The following CPNE5 variants were observed in gnomAD, a reference collection of about 807,000 sequenced individuals.
The protein encoded by CPNE5 is copine-5.
CPNE5 carries 42 observed loss-of-function variants against 81.1 expected under a neutral mutation model. The ratio of observed to expected loss-of-function variants is 0.52; its 90% CI spans 0.40 to 0.67. The LOEUF (loss-of-function observed/expected upper bound fraction) is 0.67. CPNE5 is among the 30% of genes least tolerant of loss of function. The pLI is 0.00. For synonymous variants in CPNE5, 313 were observed against 321.5 expected (o/e 0.97, Z 0.28); for missense variants, 612 against 815.5 (o/e 0.75, Z 3.04).
chr6:36,769,846 C>T (rs570724801), intron 10 of CPNE5, among the ~76,000 whole-genome samples: 3 of 152,060 alleles, frequency 2.0e-5, no homozygotes, highest in Non-Finnish European at 4.4e-5. Context: ...CATCTGTGGC[C>T]GGATGCAAAA....
In CPNE5 at chr6:36,772,011, A is replaced by C. The variant is rs1053844532; in HGVS notation, c.737+2950T>G. Among the ~76,000 whole-genome samples the C allele has an allele frequency of 2.0e-5, 3 of 151,994 alleles. No individual in the cohort carries two copies. The South Asian group carries it at 6.2e-4, about 32-fold the overall frequency. On this transcript the variant is annotated intron_variant, in intron 10 of 20. Coordinates refer to ENST00000244751, the MANE Select transcript of CPNE5 (RefSeq NM_020939.2). ...TGGGAGGTGGGAGCCTGCCCCTCCC[A>C]CCAAATAAATACCCACCTCCTCCAA... is the stretch of plus-strand genomic sequence containing the variant.
chr6:36,782,951 C>T (rs1055348589), intron 8 of CPNE5, among the ~76,000 whole-genome samples: 1 of 151,832 alleles, frequency 6.6e-6, no homozygotes, highest in Non-Finnish European at 1.5e-5. Context: ...TAGTGGGTAA[C>T]TTAACCTCTC....
At chr6:36,825,607 G>A (rs1325991477) in intron 1 of CPNE5, among the ~76,000 whole-genome samples, 1 of 152,236 alleles carries the variant, frequency 6.6e-6, no homozygotes, top group Admixed American at 6.5e-5. Context: ...GAGAGCATCA[G>A]ATGAACGATA....
intron 3 of CPNE5, among the ~76,000 whole-genome samples, chr6:36,819,461 C>G (rs1771848804): frequency 6.6e-6 from 1 of 152,144 alleles, no homozygotes; most frequent in African/African-American, 2.4e-5. Context: ...CCACATGTTT[C>G]ATGAATAAAA....
At chr6:36,743,201 G>A (rs551070815) in intron 20 of CPNE5, 1 of 985,420 alleles carries the variant, frequency 1.0e-6, no homozygotes, top group East Asian at 1.1e-4. Flanking sequence ...TGCTTGCGGA[G>A]GGTGCATTCT....
At position 36,783,412 on chromosome 6, in the gene CPNE5, T is replaced by C. The variant is rs368675742; in HGVS notation, c.529-4455A>G. ...AAAAAAAAAAAAAGGTTCTACCTAG[T>C]ACGTGCTATAGTAGGTAGATATAAT... On this transcript the variant is annotated intron_variant, in intron 8 of 20. Coordinates refer to ENST00000244751, the MANE Select transcript of CPNE5 (RefSeq NM_020939.2). Among the ~76,000 whole-genome samples, 19 of 148,482 alleles carry C rather than the reference T, an allele frequency of 1.3e-4. No individual in the cohort carries two copies. In the South Asian group the frequency reaches 3.6e-3, roughly 28 times the overall value.
At position 36,742,045 on chromosome 6, in the gene CPNE5, G is replaced by T; in HGVS notation, c.*223C>A. ...GGAAGAAGAGAAGGGCTGGGTCCCT[G>T]TGTACCCCTCTTTCACCCGTACCCC... On this transcript the variant is annotated 3_prime_UTR_variant, in exon 21 of 21. Coordinates refer to ENST00000244751, the MANE Select transcript of CPNE5 (RefSeq NM_020939.2). The T allele has an allele frequency of 1.8e-6, 1 of 548,432 alleles. No individual in the cohort carries two copies. The allele number at this position is 548,432 out of a possible 1,614,324, so 34.0% of individuals were successfully genotyped here.
rs190146078 is a variant in CPNE5 at position 36,799,802 on chromosome 6, C to T, written c.287+165G>A. On this transcript the variant is annotated intron_variant, in intron 4 of 20. Transcript: ENST00000244751. ...CTCTTCTTCCCCCTTTCCATCTCTC[C>T]TGGTAAGGGTGCAGGCGACTTCAGC... Among the ~76,000 whole-genome samples the T allele has an allele frequency of 6.6e-5, 10 of 152,304 alleles. No homozygotes were observed. In the East Asian group the frequency reaches 1.9e-3, roughly 29 times the overall value.
chr6:36,747,669 C>G (rs1764328641), intron 15 of CPNE5, among the ~76,000 whole-genome samples: 1 of 152,170 alleles, frequency 6.6e-6, no homozygotes. Flanking sequence ...GAGCCCAGAG[C>G]CCAAGGGAGG....
At chr6:36,767,566 T>C (rs183142493) in intron 10 of CPNE5, among the ~76,000 whole-genome samples, 1 of 152,102 alleles carries the variant, frequency 6.6e-6, no homozygotes, top group Admixed American at 6.5e-5. Flanking sequence ...ACCGCTAAGC[T>C]CTGCAGGGGA....
chr6:36,765,340 G>A lies in CPNE5; in HGVS notation c.774C>T (p.Asp258=), dbSNP rs773090820. 28 of 1,613,882 alleles carry A rather than the reference G, an allele frequency of 1.7e-5. No homozygotes were observed. The highest frequency in any genetic ancestry group is 8.3e-5 in the Admixed American group (5 of 59,994). ...CTGCCCTCCTGCCTGCTTACCTGCC[G>A]TCCCGATCCCAGTCGTACACCTCCA... ...IKVEVYDWDR[D]GSHDFIGEFT... The change falls in exon 11 of 21, where the codon GAC becomes GAT. Residue 258 remains aspartate, a synonymous_variant. Transcript: ENST00000244751.
chr6:36,747,259 C>CT (rs371071843), intron 15 of CPNE5, among the ~76,000 whole-genome samples: 1 of 150,600 alleles, frequency 6.6e-6, no homozygotes, highest in African/African-American at 2.5e-5. Context: ...ATTTCCCCCC[C>CT]CAGAGCCCTC....
chr6:36,760,422 G>T (rs943108455), intron 12 of CPNE5, among the ~76,000 whole-genome samples: 2 of 152,102 alleles, frequency 1.3e-5, no homozygotes, highest in African/African-American at 4.8e-5. Context: ...TTTAAGCAGG[G>T]GAGCGATGTG....
chr6:36,768,749 C>G (rs1766801565), intron 10 of CPNE5, among the ~76,000 whole-genome samples: 1 of 152,196 alleles, frequency 6.6e-6, no homozygotes, highest in East Asian at 1.9e-4. Context: ...AAATGAACAC[C>G]TTATCTGGCA....
At chr6:36,824,254 GGACT>G (rs1246708755) in intron 1 of CPNE5, among the ~76,000 whole-genome samples, 1 of 152,204 alleles carries the variant, frequency 6.6e-6, no homozygotes, top group Non-Finnish European at 1.5e-5. Context: ...AGGGGCTGGA[GGACT>G]GACTGCTCAG....
At chr6:36,788,795 G>C in intron 8 of CPNE5, among the ~76,000 whole-genome samples, 1 of 150,872 alleles carries the variant, frequency 6.6e-6, no homozygotes, top group South Asian at 2.1e-4. Context: ...TCTGATTGTG[G>C]GAACTTCTTT....
intron 14 of CPNE5, among the ~76,000 whole-genome samples, chr6:36,751,162 GT>G (rs1034702754): frequency 6.6e-6 from 1 of 152,238 alleles, no homozygotes; most frequent in Admixed American, 6.5e-5. Flanking sequence ...TCTCCAGAGA[GT>G]TTAAAGAGAG....
intron 1 of CPNE5, among the ~76,000 whole-genome samples, chr6:36,824,365 C>T (rs1371587309): frequency 1.3e-5 from 2 of 152,214 alleles, no homozygotes; most frequent in African/African-American, 4.8e-5. Context: ...TACCCATGAA[C>T]ACATCCCACG....
In CPNE5 at chr6:36,741,574, C is replaced by G. The variant is rs981652288; in HGVS notation, c.*694G>C. On this transcript the variant is annotated 3_prime_UTR_variant, in exon 21 of 21. Transcript: ENST00000244751. The stretch of plus-strand genomic sequence containing the variant: ...CATGGAAGTACCTGTGGGCCCACAC[C>G]AGGGAGAGGCCTCCACAGGCCATCT... The G allele has an allele frequency of 3.9e-5, 6 of 152,226 alleles. No homozygotes were observed. The highest frequency in any genetic ancestry group is 7.3e-5 in the Non-Finnish European group (5 of 68,066). 9.4% of individuals were successfully genotyped at this position (152,226 alleles called of 1,614,324 possible). A position where few individuals can be genotyped will look rare whatever the true frequency, so the allele number is the denominator to read the frequency against.
Sources: gnomAD v4.1 joint callset for allele counts (sites outside exome capture counted in the v4.1 genomes callset) on GRCh38, gnomAD v4.1.1 for gene constraint, MANE v1.5 for transcripts, NCBI Gene and HGNC (gene_info 2026-07-23, HGNC 2026-07-21) for gene names.